Variants in SASS6 observed in about 807,000 individuals in gnomAD.
The protein encoded by SASS6 is spindle assembly abnormal protein 6 homolog.
Under a neutral mutation model 94.9 loss-of-function variants are expected in SASS6, and 59 were observed. The observed-to-expected ratio is 0.62, with a 90% CI of 0.50 to 0.77. The LOEUF is 0.77. SASS6 is among the 30% of genes least tolerant of loss of function. The pLI, the probability that SASS6 is intolerant of heterozygous loss-of-function variation, is 0.00. For synonymous variants in SASS6, 264 were observed against 270.0 expected (o/e 0.98, Z 0.22); for missense variants, 698 against 734.1 (o/e 0.95, Z 0.57).
chr1:100,105,256 C>T (rs375205587), intron 13 of SASS6, among the ~76,000 whole-genome samples: 8 of 152,192 alleles, frequency 5.3e-5, no homozygotes, highest in South Asian at 2.1e-4. Context: ...TGGCTGGGTG[C>T]GGTGGCTCAC....
intron 3 of SASS6, among the ~76,000 whole-genome samples, chr1:100,122,924 A>C (rs936609894): frequency 1.3e-5 from 2 of 152,160 alleles, no homozygotes; most frequent in African/African-American, 4.8e-5. Context: ...GTTATAATCA[A>C]GAACTAAGCT....
At chr1:100,103,167 TATA>T in intron 13 of SASS6, 84 bp from the exon 14 acceptor site, 1 of 798,260 alleles carries the variant, frequency 1.3e-6, no homozygotes, top group Non-Finnish European at 2.0e-6. Flanking sequence ...TAGCATCTGT[TATA>T]ATAACTAATA....
chr1:100,125,669 C>CAAAAAAAAA (rs11299065), intron 2 of SASS6, among the ~76,000 whole-genome samples: 3 of 80,360 alleles, frequency 3.7e-5, no homozygotes, highest in African/African-American at 4.4e-5. Flanking sequence ...GACTCCATCT[C>CAAAAAAAAA]AAAAAAAAAA....
intron 7 of SASS6, among the ~76,000 whole-genome samples, chr1:100,113,751 T>C (rs749349230): frequency 6.7e-5 from 10 of 149,804 alleles, no homozygotes; most frequent in Non-Finnish European, 1.0e-4. Flanking sequence ...CACTAAACAA[T>C]AGAAAAACCA....
In SASS6 at chr1:100,084,602, A is replaced by G. The variant is rs1570677023; in HGVS notation, c.*726T>C. The G allele has an allele frequency of 6.6e-6, 1 of 152,084 alleles. No homozygotes were observed. Among genetic ancestry groups the G allele is most frequent in the African/African-American group, 2.4e-5 (1 of 41,424 alleles). 9.4% of individuals were successfully genotyped at this position (152,084 alleles called of 1,614,324 possible). A position where few individuals can be genotyped will look rare whatever the true frequency, so the allele number is the denominator to read the frequency against. On this transcript the variant is annotated 3_prime_UTR_variant, in exon 17 of 17. Coordinates refer to ENST00000287482, the MANE Select transcript of SASS6 (RefSeq NM_194292.3). ...CTGATACAGATTTAACTGCATAATA[A>G]AACTACAAATTGAGAAAAACTAGAT...
At chr1:100,127,483 CA>C (rs35560756) in intron 1 of SASS6, among the ~76,000 whole-genome samples, 113,987 of 152,120 alleles carry the variant, frequency 0.75, 45,351 homozygotes, top group East Asian at 0.94. Flanking sequence ...TCTTGTTGAA[CA>C]TATGATTGGA....
intron 14 of SASS6, among the ~76,000 whole-genome samples, chr1:100,102,398 C>T (rs902198697): frequency 6.6e-6 from 1 of 152,022 alleles, no homozygotes; most frequent in South Asian, 2.1e-4. Context: ...AAAGGCTGGC[C>T]GGGCGTGGTG....
chr1:100,101,505 CT>C (rs1652497104), intron 14 of SASS6, among the ~76,000 whole-genome samples: 1 of 151,924 alleles, frequency 6.6e-6, no homozygotes, highest in African/African-American at 2.4e-5. Context: ...ATCTTTAGTC[CT>C]ACCAAGTAGG....
chr1:100,119,697 C>A (rs1654034441), intron 6 of SASS6, among the ~76,000 whole-genome samples: 2 of 152,162 alleles, frequency 1.3e-5, no homozygotes, highest in African/African-American at 4.8e-5. Flanking sequence ...CATATGAGAT[C>A]TGGATGTTTA....
chr1:100,104,753 A>G (rs1570693546), intron 13 of SASS6, among the ~76,000 whole-genome samples: 2 of 150,944 alleles, frequency 1.3e-5, no homozygotes, highest in East Asian at 3.9e-4. Context: ...GGCATGAGCC[A>G]TCGTGCCCAG....
At position 100,107,843 on chromosome 1, in the gene SASS6, T is replaced by G. The variant is rs763633435; in HGVS notation, c.1023A>C (p.Thr341=). The G allele has an allele frequency of 6.2e-7, 1 of 1,612,886 alleles. No individual in the cohort carries two copies. The highest frequency in any genetic ancestry group is 1.1e-5 in the South Asian group (1 of 90,966). Residue 341 remains threonine (T), a synonymous_variant, in exon 9 of 17, where the codon ACA becomes ACC. Transcript: ENST00000287482. ...IKDKDQLVLR[T]KEAFDTIQEQ... Reference sequence around the variant, plus strand: ...CCTGGATTGTATCAAATGCCTCTTTTGTTCTTAAAACAAGCTGGTCCTTAT... The same window carrying G: ...CCTGGATTGTATCAAATGCCTCTTTGGTTCTTAAAACAAGCTGGTCCTTAT...
intron 7 of SASS6, among the ~76,000 whole-genome samples, chr1:100,114,037 T>C (rs1019191098): frequency 2.0e-5 from 3 of 151,794 alleles, no homozygotes; most frequent in South Asian, 2.1e-4. Context: ...TAAAAACACA[T>C]AGATGAAACA....
chr1:100,129,015 G>T (rs1040239243), intron 1 of SASS6, among the ~76,000 whole-genome samples: 1 of 152,112 alleles, frequency 6.6e-6, no homozygotes, highest in Admixed American at 6.5e-5. Flanking sequence ...GAGGTGGGTG[G>T]ATCACCTGAG....
chr1:100,128,365 A>G (rs917564149), intron 1 of SASS6, among the ~76,000 whole-genome samples: 1 of 152,214 alleles, frequency 6.6e-6, no homozygotes, highest in Non-Finnish European at 1.5e-5. Context: ...AAGTCCTGTC[A>G]TACTTCATAT....
rs747022048 is a variant in SASS6 at position 100,107,930 on chromosome 1, C to A, written c.936G>T (p.Glu312Asp). 1.2e-6 allele frequency: 2 copies of A among 1,612,786 alleles called. No individual in the cohort carries two copies. The highest frequency in any genetic ancestry group is 2.2e-5 in the South Asian group (2 of 91,048). ...GTAGCTGATTAACGTGCTTTTCTTT[C>A]TCGTGGCATTCAACATCTAGTGTAG... Reference protein sequence around the residue: ...ENSTLDVECHEKEKHVNQLQT... With the variant: ...ENSTLDVECHDKEKHVNQLQT... Residue 312 changes from glutamate (E) to aspartate (D), a missense_variant, in exon 9 of 17, where the codon GAG becomes GAT. By Grantham distance (45) the Glu-to-Asp change is conservative. Transcript: ENST00000287482.
rs774622013 is a variant in SASS6 at position 100,102,904 on chromosome 1, T to C, written c.1674+51A>G. 8 of 1,417,516 alleles carry C rather than the reference T, an allele frequency of 5.6e-6. No individual in the cohort carries two copies. In the South Asian group the frequency reaches 9.8e-5, roughly 17 times the overall value. 87.8% of individuals were successfully genotyped at this position (1,417,516 alleles called of 1,614,324 possible). A position where few individuals can be genotyped will look rare whatever the true frequency, so the allele number is the denominator to read the frequency against. On this transcript the variant is annotated intron_variant, in intron 14 of 16. Coordinates refer to ENST00000287482, the MANE Select transcript of SASS6 (RefSeq NM_194292.3). ...TAAAAGATGTGAAATGTTTGTATGC[T>C]AATAGGTTGCTATATTTTTTCCCAG...
chr1:100,108,234 A>C (rs1653060411), intron 8 of SASS6, among the ~76,000 whole-genome samples: 1 of 152,120 alleles, frequency 6.6e-6, no homozygotes, highest in African/African-American at 2.4e-5. Flanking sequence ...TCAAGGGAAA[A>C]TAATTCTAAT....
At chr1:100,106,829 C>T (rs1652944199) in intron 12 of SASS6, 83 bp downstream of exon 12, 16 of 670,474 alleles carry the variant, frequency 2.4e-5, no homozygotes, top group South Asian at 9.8e-5. Flanking sequence ...ACTCCAGCCT[C>T]GGTGACAGAG....
chr1:100,124,876 T>C (rs1253717503), intron 2 of SASS6, among the ~76,000 whole-genome samples: 1 of 152,180 alleles, frequency 6.6e-6, no homozygotes, highest in African/African-American at 2.4e-5. Flanking sequence ...CAGTTCACAA[T>C]AGGGTTTGCA....
Sources: allele counts gnomAD v4.1 joint callset (sites outside exome capture counted in the v4.1 genomes callset), GRCh38; gene constraint gnomAD v4.1.1; transcripts MANE v1.5; gene names NCBI Gene and HGNC (gene_info 2026-07-23, HGNC 2026-07-21).